The following NCOA7 variants were observed in gnomAD, a reference collection of about 807,000 sequenced individuals.
The protein encoded by NCOA7 is nuclear receptor coactivator 7.
A neutral mutation model predicts 104.3 loss-of-function variants in NCOA7; 45 were observed. The ratio of observed to expected loss-of-function variants is 0.43; its 90% CI spans 0.34 to 0.55. The LOEUF (loss-of-function observed/expected upper bound fraction) is 0.55. Among genes scored for constraint, NCOA7 ranks in the 20% least tolerant of loss-of-function variants. The pLI is 0.02. For missense variants in NCOA7, 1,041 were observed against 1,119.7 expected (o/e 0.93, Z 1.00); for synonymous variants, 398 against 402.3 (o/e 0.99, Z 0.13).
At chr6:125,871,530 T>C (rs1362768529) in intron 3 of NCOA7, among the ~76,000 whole-genome samples, 2 of 152,236 alleles carry the variant, frequency 1.3e-5, no homozygotes, top group African/African-American at 4.8e-5. Context: ...GACAATTAAA[T>C]TATATCCTCT....
intron 3 of NCOA7, among the ~76,000 whole-genome samples, chr6:125,866,985 A>G (rs1321711305): frequency 6.6e-6 from 1 of 152,224 alleles, no homozygotes; most frequent in Non-Finnish European, 1.5e-5. Flanking sequence ...AATTTGAAAA[A>G]AGTGAAATAT....
intron 3 of NCOA7, among the ~76,000 whole-genome samples, chr6:125,861,922 A>G (rs1014619011): frequency 1.4e-5 from 2 of 144,610 alleles, no homozygotes; most frequent in Non-Finnish European, 3.0e-5. Flanking sequence ...CTGTAATTCC[A>G]GCTACTCAGG....
chr6:125,790,918 C>G (rs1341136847), upstream of NCOA7: 2 of 152,118 alleles, frequency 1.3e-5, no homozygotes, highest in Admixed American at 6.6e-5. Context: ...TCTTGCTCCT[C>G]CTCGGCGTAC....
chr6:125,914,904 A>G (rs946125198), intron 10 of NCOA7, among the ~76,000 whole-genome samples: 1 of 152,224 alleles, frequency 6.6e-6, no homozygotes, highest in Admixed American at 6.5e-5. Context: ...TACAATTACA[A>G]TGCAATAGTA....
At chr6:125,804,830 C>G (rs1026963266) in intron 1 of NCOA7, among the ~76,000 whole-genome samples, 1 of 151,758 alleles carries the variant, frequency 6.6e-6, no homozygotes, top group African/African-American at 2.4e-5. Flanking sequence ...CTGTATTTAC[C>G]AATTCCATTT....
rs1449654564 is a variant in NCOA7 at position 125,837,750 on chromosome 6, AG to A, written c.51-17268del. Among the ~76,000 whole-genome samples the A allele has an allele frequency of 5.3e-5, 8 of 152,230 alleles. No homozygotes were observed. In the East Asian group the frequency reaches 1.5e-3, roughly 29 times the overall value. On this transcript the variant is annotated intron_variant, in intron 2 of 15. Coordinates refer to ENST00000392477, the MANE Select transcript of NCOA7 (RefSeq NM_181782.5). ...GTTCCCTTAGGAGGCAGCATGAGGAAGGAGGCTGAGATCATCCATATGCTAT... is the reference window on the plus strand; with the variant it reads ...GTTCCCTTAGGAGGCAGCATGAGGAAGAGGCTGAGATCATCCATATGCTAT...
chr6:125,905,168 G>A (rs1286175667), intron 10 of NCOA7, among the ~76,000 whole-genome samples: 1 of 152,154 alleles, frequency 6.6e-6, no homozygotes, highest in African/African-American at 2.4e-5. Flanking sequence ...GGTTAAAACG[G>A]GTGATGACTG....
At chr6:125,823,183 A>G (rs1474649587) in intron 2 of NCOA7, among the ~76,000 whole-genome samples, 4 of 152,094 alleles carry the variant, frequency 2.6e-5, no homozygotes, top group Non-Finnish European at 4.4e-5. Context: ...CCCCCCGCAA[A>G]TGGACATCTG....
chr6:125,795,624 G>T (rs1236992401), intron 1 of NCOA7, among the ~76,000 whole-genome samples: 1 of 152,100 alleles, frequency 6.6e-6, no homozygotes, highest in Non-Finnish European at 1.5e-5. Context: ...TCTGCATTCT[G>T]CCTTGCTCTG....
intron 10 of NCOA7, among the ~76,000 whole-genome samples, chr6:125,899,649 C>T (rs1002522603): frequency 2.0e-5 from 3 of 152,144 alleles, no homozygotes; most frequent in African/African-American, 7.2e-5. Context: ...TTTTGGAAAA[C>T]CCCTAAACAA....
chr6:125,920,792 A>C (rs1159246171), intron 11 of NCOA7, 151 bp from the exon 12 acceptor site: 13 of 878,816 alleles, frequency 1.5e-5, no homozygotes, highest in Non-Finnish European at 1.6e-5. Flanking sequence ...AAACTGAAAA[A>C]TTAGCCATTT....
intron 7 of NCOA7, among the ~76,000 whole-genome samples, chr6:125,884,620 T>G (rs1784114914): frequency 6.6e-6 from 1 of 152,210 alleles, no homozygotes; most frequent in Non-Finnish European, 1.5e-5. Context: ...AAGTTTCATG[T>G]TCCTATTTAC....
At chr6:125,823,007 A>G (rs891738468) in intron 2 of NCOA7, among the ~76,000 whole-genome samples, 1 of 151,088 alleles carries the variant, frequency 6.6e-6, no homozygotes, top group African/African-American at 2.4e-5. Context: ...AAAAAAAATT[A>G]TATATGGGCA....
chr6:125,878,623 C>T (rs966566724), intron 5 of NCOA7, among the ~76,000 whole-genome samples: 1 of 152,278 alleles, frequency 6.6e-6, no homozygotes, highest in East Asian at 1.9e-4. Context: ...AATCCTCCCA[C>T]CTCAGCCTCC....
rs568671701 is a variant in NCOA7 at position 125,928,539 on chromosome 6, C to T, written c.2694-97C>T. The T allele has an allele frequency of 1.5e-5, 21 of 1,380,448 alleles. 1 individual carries two copies. In the South Asian group the frequency reaches 2.8e-4, roughly 19 times the overall value. The allele number at this position is 1,380,448 out of a possible 1,614,324, so 85.5% of individuals were successfully genotyped here. A position where few individuals can be genotyped will look rare whatever the true frequency, so the allele number is the denominator to read the frequency against. On this transcript the variant is annotated intron_variant, in intron 15 of 15. Transcript: ENST00000392477. ...ATAAGCAGTTTAGAATTTTGCCTGTCAGTAGTATAAAGGAAAGAAGATGGG... is the reference window on the plus strand; with the variant it reads ...ATAAGCAGTTTAGAATTTTGCCTGTTAGTAGTATAAAGGAAAGAAGATGGG...
Position 125,889,959 on chromosome 6 carries a change from G to A in NCOA7, c.1905G>A (p.Lys635=), listed in dbSNP as rs1784515052. 8.4e-6 allele frequency: 13 copies of A among 1,543,524 alleles called. No homozygotes were observed. Among genetic ancestry groups the A allele is most frequent in the African/African-American group, 2.8e-5 (2 of 72,230 alleles). Residue 635 remains lysine (K), a synonymous_variant, in exon 9 of 16, where the codon AAG becomes AAA. Transcript: ENST00000392477. The part of the protein sequence containing the change: ...NKSEVQLWLL[K]RIQVPIEDIL... ...CTGAAGTTCAGTTGTGGCTGTTAAA[G>A]AGAATTCAGGTACCCATTGAAGGTA... is the stretch of plus-strand genomic sequence containing the variant.
intron 9 of NCOA7, 25 bp downstream of exon 9, chr6:125,890,006 T>G: frequency 6.8e-7 from 1 of 1,464,884 alleles, no homozygotes. Context: ...TTTAATGCCT[T>G]TATATTCTGT....
chr6:125,883,219 C>A (rs890679041), intron 7 of NCOA7, among the ~76,000 whole-genome samples: 3 of 152,064 alleles, frequency 2.0e-5, no homozygotes, highest in Admixed American at 6.5e-5. Flanking sequence ...ATCTTGATAA[C>A]CAGTGAGTTC....
intron 3 of NCOA7, among the ~76,000 whole-genome samples, chr6:125,864,046 A>G (rs964530133): frequency 7.3e-6 from 1 of 137,084 alleles, no homozygotes; most frequent in Non-Finnish European, 1.5e-5. Flanking sequence ...GGCTGTTTTT[A>G]TCAAGACCCT....
Sources: allele counts gnomAD v4.1 joint callset (sites outside exome capture counted in the v4.1 genomes callset), GRCh38; gene constraint gnomAD v4.1.1; transcripts MANE v1.5; gene names NCBI Gene and HGNC (gene_info 2026-07-23, HGNC 2026-07-21).